Variants in TMPRSS9 observed in about 807,000 individuals in gnomAD.
The protein encoded by TMPRSS9 is transmembrane serine protease 9.
A neutral mutation model predicts 111.4 loss-of-function variants in TMPRSS9; 113 were observed. That is an observed-to-expected ratio of 1.01 (90% CI 0.87 to 1.19). TMPRSS9 has a LOEUF of 1.19. Ranked by LOEUF, TMPRSS9 falls within the 50% of genes most tolerant of loss-of-function variation. TMPRSS9 has a pLI of 0.00. For missense variants in TMPRSS9, 1,803 were observed against 1,513.1 expected, an observed-to-expected ratio of 1.19 and a Z score of -3.18; for synonymous variants, 805 against 659.1, an observed-to-expected ratio of 1.22 and a Z score of -3.39.
In TMPRSS9 at chr19:2,413,745, TTC is replaced by T. The variant is rs1406273915; in HGVS notation, c.1302_1303del (p.Phe435SerfsTer28). ...GGTCTGCGAGGAGCCCTCTGGCCGG[TTC>T]TTTCTGGCTGGCATCGTGAGCTGGG... On this transcript the variant is annotated frameshift_variant, in exon 10 of 18. Transcript: ENST00000648592. LOFTEE classifies it high-confidence loss of function. 1.2e-6 allele frequency: 2 copies of T among 1,613,658 alleles called. No homozygotes were observed. Among genetic ancestry groups the T allele is most frequent in the African/African-American group, 2.7e-5 (2 of 74,912 alleles).
At chr19:2,395,881 G>T (rs573164914) in intron 1 of TMPRSS9, among the ~76,000 whole-genome samples, 4 of 151,840 alleles carry the variant, frequency 2.6e-5, no homozygotes, top group African/African-American at 9.7e-5. Context: ...GGTCGTGGGT[G>T]CCTGTAGTCC....
chr19:2,424,043 G>A (rs1202215738), intron 14 of TMPRSS9, 46 bp from the exon 16 acceptor site: 28 of 1,250,032 alleles, frequency 2.2e-5, no homozygotes, highest in Non-Finnish European at 2.7e-5. Flanking sequence ...CCTTCGTGGA[G>A]GAGGTGCCCT....
At chr19:2,366,538 T>C (rs919493128) in intron 1 of TMPRSS9, among the ~76,000 whole-genome samples, 2 of 152,152 alleles carry the variant, frequency 1.3e-5, no homozygotes, top group African/African-American at 2.4e-5. Flanking sequence ...TTCTGGCCCA[T>C]GGTCTCTCAT....
At chr19:2,402,324 C>T (rs543205799) in intron 5 of TMPRSS9, among the ~76,000 whole-genome samples, 38 of 152,246 alleles carry the variant, frequency 2.5e-4, no homozygotes, top group Non-Finnish European at 4.0e-4. Flanking sequence ...TGCCTGTACT[C>T]TCAGCTACTT....
At chr19:2,385,797 G>A (rs1268914922), upstream of TMPRSS9, among the ~76,000 whole-genome samples, 3 of 152,120 alleles carry the variant, frequency 2.0e-5, no homozygotes, top group Non-Finnish European at 4.4e-5. Flanking sequence ...GCTGCAGTGA[G>A]CTATGATAGC....
chr19:2,403,120 C>T lies in TMPRSS9; in HGVS notation c.595C>T (p.Gln199Ter). 6.2e-7 allele frequency: 1 copy of T among 1,612,580 alleles called. No individual in the cohort carries two copies. Among genetic ancestry groups the T allele is most frequent in the Non-Finnish European group, 8.5e-7 (1 of 1,179,724 alleles). Residue 199 changes from glutamine to a stop codon, truncating the protein, a stop_gained, in exon 6 of 18, where the codon CAG (glutamine) becomes TAG (stop). Transcript: ENST00000648592. LOFTEE classifies it high-confidence loss of function. ...GAACTCCTTTTCCTGCGGGAACAGC[C>T]AGTGTGTGACCAAGGTGAACCCGGA...
intron 1 of TMPRSS9, among the ~76,000 whole-genome samples, chr19:2,393,805 G>A (rs1370529951): frequency 2.7e-5 from 4 of 149,180 alleles, no homozygotes; most frequent in Non-Finnish European, 5.9e-5. Flanking sequence ...GGCTGAGGTT[G>A]GAGAATTGCT....
At chr19:2,383,903 G>T (rs570693803) in intron 1 of TMPRSS9, among the ~76,000 whole-genome samples, 26 of 151,950 alleles carry the variant, frequency 1.7e-4, no homozygotes, top group Non-Finnish European at 3.5e-4. Context: ...CCAAAGCCCG[G>T]CCAAGGTATT....
At chr19:2,369,572 G>A (rs1970273324) in intron 1 of TMPRSS9, among the ~76,000 whole-genome samples, 1 of 149,536 alleles carries the variant, frequency 6.7e-6, no homozygotes, top group Non-Finnish European at 1.5e-5. Context: ...CTACAGGTGT[G>A]TGCTACCACC....
At chr19:2,389,342 T>C (rs567606201), upstream of TMPRSS9, among the ~76,000 whole-genome samples, 22 of 150,360 alleles carry the variant, frequency 1.5e-4, no homozygotes, top group South Asian at 4.6e-3. Flanking sequence ...CCCAAAGTGC[T>C]GGGATTACAG....
chr19:2,385,726 C>T (rs1970463522), upstream of TMPRSS9, among the ~76,000 whole-genome samples: 1 of 151,990 alleles, frequency 6.6e-6, no homozygotes, highest in Admixed American at 6.6e-5. Context: ...GGTGGCATGC[C>T]TGTAGTCCTA....
chr19:2,374,248 C>CTTTTTTTTTTTTTTTT (rs1027376774), intron 1 of TMPRSS9, among the ~76,000 whole-genome samples: 1 of 70,398 alleles, frequency 1.4e-5, no homozygotes, highest in Non-Finnish European at 2.7e-5. Flanking sequence ...TCTCAACAAT[C>CTTTTTTTTTTTTTTTT]TTTTTTTTTT....
At chr19:2,399,671 A>AGTGTTGTGTT (rs748899917) in intron 4 of TMPRSS9, among the ~76,000 whole-genome samples, 1 of 152,030 alleles carries the variant, frequency 6.6e-6, no homozygotes, top group African/African-American at 2.4e-5. Context: ...AAAGAGCCAG[A>AGTGTTGTGTT]GTGTTGTGTT....
At chr19:2,379,181 C>CTTTTTTTTTT (rs919990556) in intron 1 of TMPRSS9, among the ~76,000 whole-genome samples, 4 of 99,422 alleles carry the variant, frequency 4.0e-5, no homozygotes, top group African/African-American at 9.4e-5. Context: ...GCTTCTTTCT[C>CTTTTTTTTTT]TTTTTTTTTT....
intron 1 of TMPRSS9, among the ~76,000 whole-genome samples, chr19:2,394,637 A>C (rs548032859): frequency 6.6e-6 from 1 of 152,080 alleles, no homozygotes; most frequent in Non-Finnish European, 1.5e-5. Context: ...CGTTTTTAGA[A>C]TTGGTTCAGA....
chr19:2,415,824 C>A, exon 11 of TMPRSS9: 1 of 1,597,512 alleles, frequency 6.3e-7, no homozygotes, highest in Non-Finnish European at 8.5e-7. Context: ...TGCTGTCTGC[C>A]GCCCACTGCT....
chr19:2,421,160 C>A (rs944721283), intron 13 of TMPRSS9, among the ~76,000 whole-genome samples: 2 of 151,842 alleles, frequency 1.3e-5, no homozygotes, highest in African/African-American at 4.8e-5. Context: ...GAGCCGAGAT[C>A]ATCCCACTGC....
intron 1 of TMPRSS9, among the ~76,000 whole-genome samples, chr19:2,392,706 C>A (rs1970623966): frequency 1.3e-5 from 2 of 152,180 alleles, no homozygotes; most frequent in Admixed American, 1.3e-4. Context: ...TTATGTCTAA[C>A]TAGAGGATTG....
At chr19:2,403,093 G>C in exon 6 of TMPRSS9, 3 of 1,610,302 alleles carry the variant, frequency 1.9e-6, no homozygotes, top group South Asian at 1.1e-5. Flanking sequence ...CCGCTGTCCA[G>C]GGAACTCCTT....
Sources: allele counts gnomAD v4.1 joint callset (sites outside exome capture counted in the v4.1 genomes callset), GRCh38; gene constraint gnomAD v4.1.1; transcripts MANE v1.5; gene names NCBI Gene and HGNC (gene_info 2026-07-23, HGNC 2026-07-21).